The following SNAPC4 variants were observed in gnomAD, a reference collection of about 807,000 sequenced individuals.
SNAPC4 encodes snRNA-activating protein complex subunit 4.
SNAPC4 carries 127 observed loss-of-function variants against 151.3 expected under a neutral mutation model. The observed-to-expected ratio is 0.84, with a 90% CI of 0.73 to 0.97. SNAPC4 has a LOEUF of 0.97. Ranked by LOEUF, SNAPC4 falls within the 50% of genes least tolerant of loss-of-function variation. SNAPC4 has a pLI of 0.00. For synonymous variants in SNAPC4, 1,002 were observed against 824.4 expected (o/e 1.22, Z -3.69); for missense variants, 2,186 against 1,935.0 (o/e 1.13, Z -2.43).
chr9:136,378,245 G>A lies in SNAPC4; in HGVS notation c.3582C>T (p.Asp1194=), dbSNP rs139300423. The change falls in exon 22 of 24, where the codon GAC becomes GAT. Residue 1194 remains aspartate, a synonymous_variant. Coordinates refer to ENST00000684778, the MANE Select transcript of SNAPC4 (RefSeq NM_003086.4). ...IPEPRTSSHA[D]PPEAEPPWSG... ...ACCAAGGGGGTTCTGCTTCAGGAGGGTCAGCGTGGGAGGACGTCCTGGGCT... is the reference window on the plus strand; with the variant it reads ...ACCAAGGGGGTTCTGCTTCAGGAGGATCAGCGTGGGAGGACGTCCTGGGCT... 4.3e-6 allele frequency: 7 copies of A among 1,609,964 alleles called. No homozygotes were observed. Among genetic ancestry groups the A allele is most frequent in the Non-Finnish European group, 5.9e-6 (7 of 1,178,780 alleles).
At position 136,381,678 on chromosome 9, in the gene SNAPC4, G is replaced by A. The variant is rs1833697280; in HGVS notation, c.2317+146C>T. Reference sequence around the variant, plus strand: ...GGTGTCCTGGAAACCTTCAGGGACGGGAAGCTGACCAGAGGTGGCGCCCAC... The same window carrying A: ...GGTGTCCTGGAAACCTTCAGGGACGAGAAGCTGACCAGAGGTGGCGCCCAC... On this transcript the variant is annotated intron_variant, in intron 18 of 23. Coordinates refer to ENST00000684778, the MANE Select transcript of SNAPC4 (RefSeq NM_003086.4). 7.0e-6 allele frequency: 7 copies of A among 995,648 alleles called. No homozygotes were observed. In the Admixed American group the frequency reaches 1.7e-4, roughly 24 times the overall value. 61.7% of individuals were successfully genotyped at this position (995,648 alleles called of 1,614,324 possible). A position where few individuals can be genotyped will look rare whatever the true frequency, so the allele number is the denominator to read the frequency against.
At chr9:136,385,731 T>C (rs775298817) in intron 13 of SNAPC4, among the ~76,000 whole-genome samples, 6 of 152,124 alleles carry the variant, frequency 3.9e-5, no homozygotes, top group Non-Finnish European at 7.4e-5. Flanking sequence ...AGTTTTTGTA[T>C]TTTTAGTAGA....
rs200839511 is a variant in SNAPC4, at chr9:136,395,789, T to C, written c.178-19A>G. 2.5e-6 allele frequency: 4 copies of C among 1,606,152 alleles called. No individual in the cohort carries two copies. Among genetic ancestry groups the C allele is most frequent in the African/African-American group, 2.7e-5 (2 of 74,900 alleles). On this transcript the variant is annotated intron_variant, in intron 3 of 23. Transcript: ENST00000684778. ...CTTCTTCCTGGTAACGAGCCAGAAA[T>C]GGCATGTGACGAGATGAGACGTGGA...
chr9:136,376,569 T>C, intron 22 of SNAPC4, 88 bp from the exon 23 acceptor site: 1 of 1,512,100 alleles, frequency 6.6e-7, no homozygotes, highest in Non-Finnish European at 9.1e-7. Flanking sequence ...AGGGGCCCTG[T>C]GGGTGAGTGT....
intron 10 of SNAPC4, among the ~76,000 whole-genome samples, chr9:136,390,075 C>A (rs900248687): frequency 4.6e-5 from 7 of 152,052 alleles, no homozygotes; most frequent in Non-Finnish European, 8.8e-5. Context: ...ATCAAACCAG[C>A]AAGACAGAGT....
intron 10 of SNAPC4, 98 bp downstream of exon 10, chr9:136,391,844 T>C (rs11145850): frequency 0.18 from 233,357 of 1,311,308 alleles, 21,249 homozygotes; most frequent in Admixed American, 0.25. Context: ...TGGCGGTGAG[T>C]GAGCACTGGG....
intron 10 of SNAPC4, 150 bp downstream of exon 10, chr9:136,391,791 CT>C (rs751572455): frequency 9.6e-6 from 8 of 833,700 alleles, no homozygotes; most frequent in Non-Finnish European, 1.5e-5. Context: ...GGGCAGGCTC[CT>C]TCCCTAGGGC....
chr9:136,395,910 T>C, intron 3 of SNAPC4, 140 bp from the exon 4 acceptor site: 1 of 840,938 alleles, frequency 1.2e-6, no homozygotes, highest in South Asian at 1.7e-5. Flanking sequence ...AAGCAGGAAG[T>C]GACCCTGGTG....
chr9:136,379,980 G>C, intron 20 of SNAPC4, 116 bp from the exon 21 acceptor site: 1 of 1,403,858 alleles, frequency 7.1e-7, no homozygotes, highest in Non-Finnish European at 9.9e-7. Context: ...AGGCCCCAAG[G>C]GCTGGTGCTG....
In SNAPC4 at chr9:136,392,808, G is replaced by A. The variant is rs937455007; in HGVS notation, c.633-31C>T. On this transcript the variant is annotated intron_variant, in intron 7 of 23. Coordinates refer to ENST00000684778, the MANE Select transcript of SNAPC4 (RefSeq NM_003086.4). ...AAGCAGAGCAGAGGCAGAAGGGCTGGGGCACGAGGGCTGCGGGGCGGGGCA... is the reference window on the plus strand; with the variant it reads ...AAGCAGAGCAGAGGCAGAAGGGCTGAGGCACGAGGGCTGCGGGGCGGGGCA... 7 of 1,582,568 alleles carry A rather than the reference G, an allele frequency of 4.4e-6. No homozygotes were observed. The East Asian group carries it at 6.7e-5, about 15-fold the overall frequency.
intron 22 of SNAPC4, among the ~76,000 whole-genome samples, chr9:136,376,968 C>T (rs1391287569): frequency 6.6e-6 from 1 of 152,228 alleles, no homozygotes; most frequent in Admixed American, 6.5e-5. Flanking sequence ...GCCAGCCTCC[C>T]AGCTGCTGCA....
Position 136,388,540 on chromosome 9 carries a change from C to A in SNAPC4, c.1027G>T (p.Ala343Ser), listed in dbSNP as rs766402900. Residue 343 changes from alanine to serine, a missense_variant, in exon 11 of 24, where the codon GCT becomes TCT. Physicochemically the swap from Ala to Ser is moderately conservative, Grantham distance 99. Transcript: ENST00000684778. ...TCTGTCCACTCCTTGCGTTTCAGAG[C>A]TTTGTTGTGCTGCTGGAATTTCTGC... ...CLQKFQQHNK[A>S]LKRKEWTEEE... 6.2e-7 allele frequency: 1 copy of A among 1,614,108 alleles called. No individual in the cohort carries two copies. Among genetic ancestry groups the A allele is most frequent in the East Asian group, 2.2e-5 (1 of 44,872 alleles).
intron 10 of SNAPC4, among the ~76,000 whole-genome samples, chr9:136,390,840 ATT>A (rs1440309507): frequency 1.4e-5 from 2 of 145,460 alleles, no homozygotes; most frequent in Admixed American, 6.9e-5. Context: ...TTATTTATTT[ATT>A]TTTTTTTTTT....
intron 23 of SNAPC4, among the ~76,000 whole-genome samples, 185 bp downstream of exon 23, chr9:136,376,164 G>A (rs952282616): frequency 3.9e-5 from 6 of 152,214 alleles, no homozygotes; most frequent in Non-Finnish European, 5.9e-5. Flanking sequence ...TGGGTGGCCA[G>A]CAGGAAGGAT....
Position 136,382,147 on chromosome 9 carries a change from TGC to T in SNAPC4, c.2068-76_2068-75del, listed in dbSNP as rs1249230516. ...GGAGTGGACCCTGCCCAGTGGCCAG[TGC>T]TGCCCTCCACCCCCATCAGGGCATG... On this transcript the variant is annotated intron_variant, in intron 17 of 23. Transcript: ENST00000684778. 6 of 1,570,922 alleles carry T rather than the reference TGC, an allele frequency of 3.8e-6. No individual in the cohort carries two copies. In the South Asian group the frequency reaches 6.9e-5, roughly 18 times the overall value.
In SNAPC4 at chr9:136,378,438, A is replaced by C; in HGVS notation, c.3389T>G (p.Leu1130Trp). The change falls in exon 22 of 24, where the codon TTG becomes TGG. Residue 1130 changes from leucine to tryptophan, a missense_variant. Leu to Trp is a moderately conservative substitution (Grantham distance 61). Coordinates refer to ENST00000684778, the MANE Select transcript of SNAPC4 (RefSeq NM_003086.4). ...RAAQGPRAPALSSSWQPPANM... is the reference protein window; with the variant it reads ...RAAQGPRAPAWSSSWQPPANM... ...GGCTGGGGGCTGCCAAGAGCTGCTC[A>C]ACGCTGGGGCCCTGGGGCCCTGGGC... The C allele has an allele frequency of 1.3e-6, 2 of 1,594,412 alleles. No homozygotes were observed. The highest frequency in any genetic ancestry group is 1.7e-6 in the Non-Finnish European group (2 of 1,173,572).
At chr9:136,393,686 G>C (rs966031995) in intron 7 of SNAPC4, among the ~76,000 whole-genome samples, 1 of 151,882 alleles carries the variant, frequency 6.6e-6, no homozygotes, top group African/African-American at 2.4e-5. Flanking sequence ...CGTGTGGACC[G>C]ACCCCGCGCC....
At chr9:136,379,382 A>G (rs922062052) in intron 21 of SNAPC4, 83 bp from the exon 22 acceptor site, 5 of 1,577,568 alleles carry the variant, frequency 3.2e-6, no homozygotes, top group Non-Finnish European at 4.3e-6. Context: ...CCTCATCAGG[A>G]GGGACCATGT....
rs375124590 is a variant in SNAPC4, at chr9:136,392,142, T to C, written c.811-36A>G. The C allele has an allele frequency of 2.9e-5, 47 of 1,608,364 alleles. No homozygotes were observed. The African/African-American group carries it at 5.6e-4, about 19-fold the overall frequency. ...AGAGACACTCAGCCTTGCAGGCCAC[T>C]GACCCCAGGGGCACCCTAGACGCAG... is the stretch of plus-strand genomic sequence containing the variant. On this transcript the variant is annotated intron_variant, in intron 9 of 23. Transcript: ENST00000684778.
Sources: gnomAD v4.1 joint callset for allele counts (sites outside exome capture counted in the v4.1 genomes callset) on GRCh38, gnomAD v4.1.1 for gene constraint, MANE v1.5 for transcripts, NCBI Gene and HGNC (gene_info 2026-07-23, HGNC 2026-07-21) for gene names.